Variants in RETREG1 observed in about 807,000 individuals in gnomAD.
The protein encoded by RETREG1 is family with sequence similarity 134 member B.
A neutral mutation model predicts 54.8 loss-of-function variants in RETREG1; 44 were observed. The observed-to-expected ratio is 0.80, with a 90% confidence interval of 0.63 to 1.03. The LOEUF is 1.03. Ranked by LOEUF, RETREG1 falls within the 50% of genes least tolerant of loss-of-function variation. The probability of loss-of-function intolerance (pLI) is 0.00; values close to 1 mark genes in which losing one functional copy is unlikely to be tolerated. For synonymous variants in RETREG1, 217 were observed against 238.5 expected (o/e 0.91, Z 0.83); for missense variants, 554 against 605.1 (o/e 0.92, Z 0.89).
chr5:16,551,108 A>C (rs895574471), intron 3 of RETREG1, among the ~76,000 whole-genome samples: 3 of 146,626 alleles, frequency 2.0e-5, no homozygotes, highest in African/African-American at 7.3e-5. Flanking sequence ...TTTTAAAAAT[A>C]ACAACAAAAG....
At chr5:16,565,727 C>G (rs1488477175) in intron 3 of RETREG1, 36 bp downstream of exon 3, 13 of 1,613,046 alleles carry the variant, frequency 8.1e-6, no homozygotes, top group Non-Finnish European at 1.1e-5. Context: ...CTCACCCTCC[C>G]TCCATTAAGC....
intron 3 of RETREG1, among the ~76,000 whole-genome samples, chr5:16,510,582 G>A (rs138707185): frequency 0.015 from 2,250 of 152,040 alleles, 51 homozygotes; most frequent in African/African-American, 0.051. Flanking sequence ...CCGAGGTTAG[G>A]AGTTCGAGAC....
intron 8 of RETREG1, among the ~76,000 whole-genome samples, chr5:16,476,614 G>A (rs1160437985): frequency 6.6e-6 from 1 of 152,140 alleles, no homozygotes; most frequent in Non-Finnish European, 1.5e-5. Flanking sequence ...CATGGATGGA[G>A]CTGGAAGCCA....
At chr5:16,528,421 G>A (rs1290759770) in intron 3 of RETREG1, among the ~76,000 whole-genome samples, 1 of 152,086 alleles carries the variant, frequency 6.6e-6, no homozygotes, top group African/African-American at 2.4e-5. Context: ...CAATGAAAAG[G>A]GGACGGTCAC....
intron 1 of RETREG1, among the ~76,000 whole-genome samples, chr5:16,581,801 G>T (rs9687146): frequency 0.065 from 9,879 of 152,136 alleles, 1,060 homozygotes; most frequent in African/African-American, 0.22. Context: ...AGAGTTACAT[G>T]TTCTTTTAGC....
intron 3 of RETREG1, among the ~76,000 whole-genome samples, chr5:16,487,565 C>G (rs993544411): frequency 1.3e-5 from 2 of 152,204 alleles, no homozygotes; most frequent in African/African-American, 4.8e-5. Context: ...GGGCTTTGCT[C>G]AAGGATCTGT....
At chr5:16,579,232 C>T (rs13178705) in intron 1 of RETREG1, among the ~76,000 whole-genome samples, 53,126 of 152,098 alleles carry the variant, frequency 0.35, 10,509 homozygotes, top group Non-Finnish European at 0.45. Context: ...TCATTGAATC[C>T]TGTATCCCTT....
chr5:16,478,903 T>G lies in RETREG1; in HGVS notation c.755A>C (p.Lys252Thr). The G allele has an allele frequency of 6.2e-7, 1 of 1,612,540 alleles. No homozygotes were observed. Among genetic ancestry groups the G allele is most frequent in the Non-Finnish European group, 8.5e-7 (1 of 1,179,028 alleles). The change falls in exon 6 of 9, where the codon AAA (lysine) becomes ACA (threonine). Residue 252 changes from lysine (K) to threonine (T), a missense_variant. Coordinates refer to ENST00000306320, the MANE Select transcript of RETREG1 (RefSeq NM_001034850.3). ...ATATTCTCCAATTCCAAAATCCAGTTTCAGCAGAACTGACTTAATTTTGCT... is the reference window on the plus strand; with the variant it reads ...ATATTCTCCAATTCCAAAATCCAGTGTCAGCAGAACTGACTTAATTTTGCT... ...IYSKIKSVLL[K>T]LDFGIGEYIN...
intron 3 of RETREG1, among the ~76,000 whole-genome samples, chr5:16,546,924 A>C (rs1223502879): frequency 2.0e-5 from 3 of 152,182 alleles, no homozygotes; most frequent in Non-Finnish European, 4.4e-5. Flanking sequence ...ATCTCTTTAG[A>C]GTTACTTCAA....
rs1347649069 is a variant in RETREG1 at position 16,518,236 on chromosome 5, T to C, written c.459-34764A>G. Among the ~76,000 whole-genome samples, 5 of 148,044 alleles carry C rather than the reference T, an allele frequency of 3.4e-5. No homozygotes were observed. In the South Asian group the frequency reaches 6.3e-4, roughly 19 times the overall value. ...AATATATTGACTATATATTTATATA[T>C]TATATAAGTATATTATGGATTTATA... is the stretch of plus-strand genomic sequence containing the variant. On this transcript the variant is annotated intron_variant, in intron 3 of 8. Transcript: ENST00000306320.
intron 3 of RETREG1, among the ~76,000 whole-genome samples, chr5:16,521,740 T>C (rs1157502639): frequency 6.6e-6 from 1 of 152,230 alleles, no homozygotes; most frequent in Non-Finnish European, 1.5e-5. Flanking sequence ...CTATGGGTTC[T>C]GTTACACGTC....
At position 16,479,024 on chromosome 5, in the gene RETREG1, C is replaced by G. The variant is rs752411227; in HGVS notation, c.671-37G>C. ...AAGAGAGCAGAGGTAAAATGCCTTT[C>G]CTTTCAAAAGGCTACGTACATTTCA... On this transcript the variant is annotated intron_variant, in intron 5 of 8. Transcript: ENST00000306320. 6 of 1,602,754 alleles carry G rather than the reference C, an allele frequency of 3.7e-6. No individual in the cohort carries two copies. In the African/African-American group the frequency reaches 8.0e-5, roughly 21 times the overall value.
intron 1 of RETREG1, among the ~76,000 whole-genome samples, chr5:16,601,763 A>G (rs571536376): frequency 9.8e-5 from 15 of 152,324 alleles, no homozygotes; most frequent in Admixed American, 8.5e-4. Flanking sequence ...TCCAGCTGAG[A>G]CTGTTCATAA....
intron 1 of RETREG1, among the ~76,000 whole-genome samples, chr5:16,580,083 T>C (rs915593173): frequency 6.6e-6 from 1 of 152,260 alleles, no homozygotes; most frequent in Non-Finnish European, 1.5e-5. Flanking sequence ...AAATATGTCC[T>C]ATGCAGTTTG....
intron 4 of RETREG1, among the ~76,000 whole-genome samples, chr5:16,481,926 GTAAAT>G (rs1467057461): frequency 6.6e-6 from 1 of 152,002 alleles, no homozygotes; most frequent in Non-Finnish European, 1.5e-5. Context: ...AACAGTGATA[GTAAAT>G]TAAACTGATA....
intron 3 of RETREG1, among the ~76,000 whole-genome samples, chr5:16,487,882 C>T (rs923183611): frequency 1.3e-5 from 2 of 152,228 alleles, no homozygotes; most frequent in East Asian, 3.8e-4. Flanking sequence ...TTCTTTCTTC[C>T]TCCCTGTCCC....
intron 3 of RETREG1, among the ~76,000 whole-genome samples, chr5:16,483,736 A>C (rs1738907447): frequency 6.6e-6 from 1 of 152,130 alleles, no homozygotes. Flanking sequence ...TCTTTAATGA[A>C]GAGTCATTTT....
rs374327070 is a variant in RETREG1, at chr5:16,513,649, A to G, written c.459-30177T>C. ...AGACAATAATCAACCAGTCTCTCAG[A>G]CAGAAGAAAGAATATCTCCATGGTG... On this transcript the variant is annotated intron_variant, in intron 3 of 8. Coordinates refer to ENST00000306320, the MANE Select transcript of RETREG1 (RefSeq NM_001034850.3). Among the ~76,000 whole-genome samples, 11 of 152,354 alleles carry G rather than the reference A, an allele frequency of 7.2e-5. No individual in the cohort carries two copies. The South Asian group carries it at 2.3e-3, about 32-fold the overall frequency.
intron 1 of RETREG1, among the ~76,000 whole-genome samples, chr5:16,589,741 T>C (rs2451851): frequency 0.56 from 85,311 of 151,938 alleles, 24,226 homozygotes; most frequent in Non-Finnish European, 0.61. Flanking sequence ...GCATGAGGAA[T>C]TGCTGCAACT....
Sources: gnomAD v4.1 joint callset for allele counts (sites outside exome capture counted in the v4.1 genomes callset) on GRCh38, gnomAD v4.1.1 for gene constraint, MANE v1.5 for transcripts, NCBI Gene and HGNC (gene_info 2026-07-23, HGNC 2026-07-21) for gene names.